The following SLCO3A1 variants were observed in gnomAD, a reference collection of about 807,000 sequenced individuals.
SLCO3A1 encodes the protein solute carrier organic anion transporter family member 3A1.
A neutral mutation model predicts 63.1 loss-of-function variants in SLCO3A1; 27 were observed. The observed-to-expected ratio is 0.43, with a 90% confidence interval of 0.32 to 0.59. The LOEUF (loss-of-function observed/expected upper bound fraction) is 0.59. Ranked by LOEUF, SLCO3A1 falls within the 20% of genes least tolerant of loss-of-function variation. The pLI is 0.09. For missense variants in SLCO3A1, 773 were observed against 945.8 expected (o/e 0.82, Z 2.40); for synonymous variants, 473 against 409.9 (o/e 1.15, Z -1.86).
chr15:92,073,454 A>C (rs1013152203), intron 2 of SLCO3A1, among the ~76,000 whole-genome samples: 1 of 152,212 alleles, frequency 6.6e-6, no homozygotes, highest in Non-Finnish European at 1.5e-5. Context: ...GAGCTCTAGA[A>C]TTGTAGGGTT....
At position 91,897,381 on chromosome 15, in the gene SLCO3A1, G is replaced by A. The variant is rs2151362632; in HGVS notation, c.181-18612G>A. 6.6e-6 allele frequency among the ~76,000 whole-genome samples: 1 copy of A among 152,218 alleles called. No individual in the cohort carries two copies. Among genetic ancestry groups the A allele is most frequent in the East Asian group, 1.9e-4 (1 of 5,166 alleles). On this transcript the variant is annotated intron_variant, in intron 1 of 9. Transcript: ENST00000318445. The surrounding 1 kb of genome is among the most constrained non-coding windows in gnomAD (Gnocchi z 4.7). ...CACGAGAATTGCTTGAACCCAGGAG[G>A]CAGAGGTTGCAGTGAGCCAAGATTG...
At chr15:92,108,550 C>T (rs762402930) in intron 4 of SLCO3A1, among the ~76,000 whole-genome samples, 18 of 152,286 alleles carry the variant, frequency 1.2e-4, no homozygotes, top group Admixed American at 5.9e-4. Context: ...AATAGACATA[C>T]GTACAGTATC....
intron 2 of SLCO3A1, among the ~76,000 whole-genome samples, chr15:92,080,491 A>T (rs1194924424): frequency 3.3e-5 from 5 of 152,094 alleles, no homozygotes; most frequent in African/African-American, 1.2e-4. Context: ...GATGAGAGAA[A>T]ATCTAGGAAG....
intron 2 of SLCO3A1, among the ~76,000 whole-genome samples, chr15:92,021,460 C>T (rs2046508319): frequency 1.3e-5 from 2 of 152,074 alleles, no homozygotes; most frequent in African/African-American, 4.8e-5. Flanking sequence ...ATTTATTTTG[C>T]TTTCTGTCTT....
At chr15:91,899,727 T>C (rs930534806) in intron 1 of SLCO3A1, among the ~76,000 whole-genome samples, 3 of 152,196 alleles carry the variant, frequency 2.0e-5, no homozygotes, top group Non-Finnish European at 4.4e-5. Context: ...AAACATTCCA[T>C]CCTTCCAGAA....
At chr15:91,973,990 C>T (rs1299250915) in intron 2 of SLCO3A1, among the ~76,000 whole-genome samples, 1 of 152,160 alleles carries the variant, frequency 6.6e-6, no homozygotes, top group Non-Finnish European at 1.5e-5. Context: ...TAAGATATGA[C>T]CTGTCTGTGA....
At chr15:91,963,420 G>GGCA (rs1454679549) in intron 2 of SLCO3A1, among the ~76,000 whole-genome samples, 2 of 118,588 alleles carry the variant, frequency 1.7e-5, no homozygotes, top group African/African-American at 6.4e-5. Context: ...GGGGGGGGGG[G>GGCA]CGGCAGCAGC....
intron 2 of SLCO3A1, among the ~76,000 whole-genome samples, chr15:91,985,482 C>T (rs1371345265): frequency 1.3e-5 from 2 of 152,148 alleles, no homozygotes; most frequent in East Asian, 1.9e-4. Context: ...GGATGCGCAC[C>T]TAGGAGTGGA....
intron 7 of SLCO3A1, among the ~76,000 whole-genome samples, chr15:92,136,692 A>G (rs2048061275): frequency 1.3e-5 from 2 of 152,230 alleles, no homozygotes; most frequent in South Asian, 2.1e-4. Context: ...GCCAAAAAGT[A>G]TAAAAAGGAG....
intron 2 of SLCO3A1, among the ~76,000 whole-genome samples, chr15:91,972,168 C>G (rs951849924): frequency 2.0e-5 from 3 of 152,004 alleles, no homozygotes; most frequent in Non-Finnish European, 2.9e-5. Flanking sequence ...TATTGGAAAA[C>G]GTCTACCATA....
chr15:91,945,648 T>C (rs1199976822), intron 2 of SLCO3A1, among the ~76,000 whole-genome samples: 4 of 152,232 alleles, frequency 2.6e-5, no homozygotes, highest in Non-Finnish European at 5.9e-5. Context: ...TGGCCACAGC[T>C]GGCCCCACAG....
chr15:91,913,664 A>G (rs1382273951), intron 1 of SLCO3A1, among the ~76,000 whole-genome samples: 1 of 152,218 alleles, frequency 6.6e-6, no homozygotes, highest in Non-Finnish European at 1.5e-5. Flanking sequence ...GCGTATGTTT[A>G]TATGTGCATA....
At chr15:92,122,268 AT>A (rs2047871599) in intron 5 of SLCO3A1, among the ~76,000 whole-genome samples, 1 of 152,228 alleles carries the variant, frequency 6.6e-6, no homozygotes, top group African/African-American at 2.4e-5. Context: ...ACAGCCAGGC[AT>A]GGGGGCAGCT....
Position 92,126,215 on chromosome 15 carries a change from C to T in SLCO3A1, c.1329C>T (p.Cys443=), listed in dbSNP as rs79464999. 4.8e-5 allele frequency: 77 copies of T among 1,613,980 alleles called. No individual in the cohort carries two copies. The Admixed American group carries it at 8.5e-4, about 18-fold the overall frequency. ...ACGTCTCCTTCCTCTTCCTGGGCTG[C>T]GACACTGGCCCTGTGGCTGGGGTTA... The part of the protein sequence containing the change: ...ACYVSFLFLG[C]DTGPVAGVTV... The change falls in exon 6 of 10, where the codon TGC becomes TGT. Residue 443 remains cysteine (C), a synonymous_variant. Transcript: ENST00000318445.
At position 91,897,572 on chromosome 15, in the gene SLCO3A1, C is replaced by G. The variant is rs1898038760; in HGVS notation, c.181-18421C>G. Reference sequence around the variant, plus strand: ...AAACTCAACAGGCTTCTTCTGATTTCTGACAGTTTCTTTTGTGCTGGTGCC... The same window carrying G: ...AAACTCAACAGGCTTCTTCTGATTTGTGACAGTTTCTTTTGTGCTGGTGCC... On this transcript the variant is annotated intron_variant, in intron 1 of 9. Coordinates refer to ENST00000318445, the MANE Select transcript of SLCO3A1 (RefSeq NM_013272.4). The surrounding 1 kb of genome is among the most constrained non-coding windows in gnomAD (Gnocchi z 4.7). Among the ~76,000 whole-genome samples, 1 of 152,208 alleles carries G rather than the reference C, an allele frequency of 6.6e-6. No homozygotes were observed. The highest frequency in any genetic ancestry group is 2.4e-5 in the African/African-American group (1 of 41,456).
chr15:92,015,357 G>A (rs1439469067), intron 2 of SLCO3A1, among the ~76,000 whole-genome samples: 1 of 152,068 alleles, frequency 6.6e-6, no homozygotes, highest in East Asian at 1.9e-4. Context: ...TTACAATCAT[G>A]TCAGAAGGCG....
intron 8 of SLCO3A1, chr15:92,149,086 T>G (rs1316218734): frequency 3.3e-5 from 5 of 152,410 alleles, no homozygotes; most frequent in Admixed American, 2.6e-4. Context: ...TAGTCTCTTA[T>G]TAGCTTGCCC....
At chr15:91,992,700 G>A (rs1166627312) in intron 2 of SLCO3A1, among the ~76,000 whole-genome samples, 1 of 152,212 alleles carries the variant, frequency 6.6e-6, no homozygotes, top group East Asian at 1.9e-4. Context: ...AGGACTGTCA[G>A]TCATACCTGT....
intron 2 of SLCO3A1, among the ~76,000 whole-genome samples, chr15:91,985,900 G>A (rs927564176): frequency 3.9e-5 from 6 of 152,194 alleles, no homozygotes; most frequent in Non-Finnish European, 7.4e-5. Flanking sequence ...CCTAGTCTAC[G>A]TGTAGGTGGG....
Sources: allele counts gnomAD v4.1 joint callset (sites outside exome capture counted in the v4.1 genomes callset), GRCh38; gene constraint gnomAD v4.1.1; non-coding constraint Gnocchi (gnomAD v3.1); transcripts MANE v1.5; gene names NCBI Gene and HGNC (gene_info 2026-07-23, HGNC 2026-07-21).